Variants in SIL1 observed in about 807,000 individuals in gnomAD.
SIL1 encodes the protein SIL1 nucleotide exchange factor, also known as nucleotide exchange factor SIL1.
A neutral mutation model predicts 49.1 loss-of-function variants in SIL1; 40 were observed. That is an observed-to-expected ratio of 0.81 (90% confidence interval 0.63 to 1.06). The LOEUF (loss-of-function observed/expected upper bound fraction) is 1.06. SIL1 is among the 50% of genes least tolerant of loss of function. The pLI is 0.00. For synonymous variants in SIL1, 253 were observed against 250.8 expected, an observed-to-expected ratio of 1.01 and a Z score of -0.08; for missense variants, 500 against 572.6, an observed-to-expected ratio of 0.87 and a Z score of 1.29.
At chr5:139,113,045 A>C (rs1350887718) in intron 3 of SIL1, among the ~76,000 whole-genome samples, 3 of 152,194 alleles carry the variant, frequency 2.0e-5, no homozygotes, top group Admixed American at 1.3e-4. Flanking sequence ...CTCAGGGTTA[A>C]ATGGATTAAG....
At chr5:139,030,111 G>A (rs1463749447) in intron 5 of SIL1, among the ~76,000 whole-genome samples, 1 of 151,190 alleles carries the variant, frequency 6.6e-6, no homozygotes, top group African/African-American at 2.4e-5. Context: ...TGAGCCAGGA[G>A]TTCGAGAACA....
chr5:139,072,539 T>C (rs1156317488), intron 3 of SIL1, among the ~76,000 whole-genome samples: 2 of 152,136 alleles, frequency 1.3e-5, no homozygotes, highest in South Asian at 2.1e-4. Context: ...ATATTTGTCA[T>C]ATACCATATG....
chr5:139,110,106 T>G (rs1262915984), intron 3 of SIL1, among the ~76,000 whole-genome samples: 2 of 150,584 alleles, frequency 1.3e-5, no homozygotes, highest in Non-Finnish European at 3.0e-5. Context: ...CAGATGGAGG[T>G]TGCAGTGAGC....
At chr5:139,070,195 T>C (rs1289846027) in intron 3 of SIL1, among the ~76,000 whole-genome samples, 1 of 152,168 alleles carries the variant, frequency 6.6e-6, no homozygotes, top group African/African-American at 2.4e-5. Flanking sequence ...TCAGGGATAG[T>C]ATTACTGCCA....
chr5:139,191,064 T>G (rs1298640531), intron 1 of SIL1, among the ~76,000 whole-genome samples: 1 of 151,840 alleles, frequency 6.6e-6, no homozygotes, highest in East Asian at 1.9e-4. Flanking sequence ...AAACCCCATC[T>G]CTACTGCAAA....
intron 1 of SIL1, among the ~76,000 whole-genome samples, chr5:139,138,471 A>G (rs1361693954): frequency 6.6e-6 from 1 of 152,172 alleles, no homozygotes; most frequent in Non-Finnish European, 1.5e-5. Flanking sequence ...ACCGGGAGTG[A>G]TCAGCCCATG....
At chr5:139,055,710 T>A (rs10037102) in intron 3 of SIL1, among the ~76,000 whole-genome samples, 1 of 142,434 alleles carries the variant, frequency 7.0e-6, no homozygotes, top group Non-Finnish European at 1.5e-5. Context: ...ACGGTCTCCC[T>A]CTGATGCCTA....
chr5:138,993,841 G>A (rs144606123), intron 7 of SIL1, among the ~76,000 whole-genome samples: 9 of 152,302 alleles, frequency 5.9e-5, no homozygotes, highest in African/African-American at 1.9e-4. Context: ...CTTGGACTAC[G>A]GCAATGCAGA....
At chr5:139,054,128 A>C (rs970753039) in intron 3 of SIL1, among the ~76,000 whole-genome samples, 1 of 152,184 alleles carries the variant, frequency 6.6e-6, no homozygotes, top group Non-Finnish European at 1.5e-5. Context: ...AAAATAATTT[A>C]AAATTAGCTG....
intron 3 of SIL1, among the ~76,000 whole-genome samples, chr5:139,072,495 T>G (rs1769855824): frequency 6.6e-6 from 1 of 152,126 alleles, no homozygotes; most frequent in African/African-American, 2.4e-5. Context: ...AAATGGAATA[T>G]CCACATGTAA....
In SIL1 at chr5:139,121,083, C is replaced by T. The variant is rs147194912; in HGVS notation, c.196G>A (p.Val66Ile). ...TGCGTCGGGTGGAACACCTCCAGGACTTCGGCATCCAGCTCCTCCTCGGCT... is the reference window on the plus strand; with the variant it reads ...TGCGTCGGGTGGAACACCTCCAGGATTTCGGCATCCAGCTCCTCCTCGGCT... The part of the protein sequence containing the change: ...TKAEEELDAE[V>I]LEVFHPTHEW... The change falls in exon 3 of 10, where the codon GTC becomes ATC. Residue 66 changes from valine (V) to isoleucine (I), a missense_variant. Val to Ile is a conservative substitution (Grantham distance 29). Transcript: ENST00000394817. 126 of 1,614,082 alleles carry T rather than the reference C, an allele frequency of 7.8e-5. No homozygotes were observed. The highest frequency in any genetic ancestry group is 5.0e-4 in the Admixed American group (30 of 60,000).
At chr5:138,949,011 A>G (rs999511996) in intron 9 of SIL1, among the ~76,000 whole-genome samples, 6 of 152,192 alleles carry the variant, frequency 3.9e-5, no homozygotes, top group Admixed American at 1.3e-4. Flanking sequence ...TTTTCTTTAT[A>G]TTATCCAGTC....
intron 1 of SIL1, among the ~76,000 whole-genome samples, chr5:139,139,685 C>T (rs1388074382): frequency 6.6e-6 from 1 of 152,168 alleles, no homozygotes; most frequent in Non-Finnish European, 1.5e-5. Context: ...TCTCAGACAG[C>T]ATAATTATTA....
chr5:138,988,124 C>T (rs188390991), intron 7 of SIL1, among the ~76,000 whole-genome samples: 117 of 152,282 alleles, frequency 7.7e-4, no homozygotes, highest in African/African-American at 2.6e-3. Flanking sequence ...TGAGACACTG[C>T]GCCTGGCCAA....
intron 3 of SIL1, among the ~76,000 whole-genome samples, chr5:139,061,236 C>T (rs1205046276): frequency 6.6e-6 from 1 of 152,232 alleles, no homozygotes; most frequent in African/African-American, 2.4e-5. Flanking sequence ...AGGTGGTGCC[C>T]ACAGTGAGGT....
At chr5:139,143,370 T>TTTTTG (rs1243263880) in intron 1 of SIL1, among the ~76,000 whole-genome samples, 1 of 147,450 alleles carries the variant, frequency 6.8e-6, no homozygotes, top group Non-Finnish European at 1.5e-5. Flanking sequence ...TATATATGGT[T>TTTTTG]TTTTGTTTTG....
intron 7 of SIL1, among the ~76,000 whole-genome samples, chr5:138,988,014 G>T (rs1204262154): frequency 1.3e-5 from 2 of 152,168 alleles, no homozygotes; most frequent in Non-Finnish European, 2.9e-5. Flanking sequence ...TGTATTTTTA[G>T]TAGAGACAGG....
chr5:139,008,673 A>G (rs1269244024), intron 7 of SIL1, among the ~76,000 whole-genome samples: 3 of 148,882 alleles, frequency 2.0e-5, no homozygotes, highest in South Asian at 2.1e-4. Flanking sequence ...CTTTGTTCTC[A>G]TTGGTTTCAA....
chr5:139,192,997 C>CA (rs60150903), intron 1 of SIL1, among the ~76,000 whole-genome samples: 1,684 of 78,870 alleles, frequency 0.021, 116 homozygotes, highest in East Asian at 0.026. Context: ...AACTCAGTCT[C>CA]AAAAAAAAAA....
Sources: allele counts gnomAD v4.1 joint callset (sites outside exome capture counted in the v4.1 genomes callset), GRCh38; gene constraint gnomAD v4.1.1; transcripts MANE v1.5; gene names NCBI Gene and HGNC (gene_info 2026-07-23, HGNC 2026-07-21).